Variants in MACF1 observed in about 807,000 individuals in gnomAD.
MACF1 encodes the protein microtubule-actin cross-linking factor 1.
Under a neutral mutation model 854.8 loss-of-function variants are expected in MACF1, and 193 were observed. The ratio of observed to expected loss-of-function variants is 0.23; its 90% CI spans 0.20 to 0.25. The LOEUF is 0.25. Ranked by LOEUF, MACF1 falls within the 10% of genes least tolerant of loss-of-function variation. The pLI, the probability that MACF1 is intolerant of heterozygous loss-of-function variation, is 1.00. For synonymous variants in MACF1, 3,185 were observed against 3,226.7 expected, an observed-to-expected ratio of 0.99 and a Z score of 0.44; for missense variants, 7,722 against 8,929.1, an observed-to-expected ratio of 0.86 and a Z score of 5.45.
intron 89 of MACF1, 99 bp from the exon 90 acceptor site, chr1:39,458,271 C>A: frequency 1.7e-6 from 2 of 1,190,508 alleles, no homozygotes; most frequent in Non-Finnish European, 1.2e-6. Flanking sequence ...CCTTTCCTGC[C>A]ACCACAGGCC....
At chr1:39,438,346 C>T (rs1043666162) in intron 71 of MACF1, among the ~76,000 whole-genome samples, 2 of 152,220 alleles carry the variant, frequency 1.3e-5, no homozygotes, top group African/African-American at 4.8e-5. Context: ...ACACTGGAAA[C>T]AAGAGTTCTC....
chr1:39,264,458 C>T (rs1645206252), intron 6 of MACF1, among the ~76,000 whole-genome samples: 1 of 152,114 alleles, frequency 6.6e-6, no homozygotes, highest in South Asian at 2.1e-4. Context: ...TTGTTCTTTT[C>T]TTTGCCTGGC....
Position 39,334,963 on chromosome 1 carries a change from A to G in MACF1, c.8375A>G (p.Asp2792Gly). The G allele has an allele frequency of 6.2e-7, 1 of 1,614,190 alleles. No individual in the cohort carries two copies. The highest frequency in any genetic ancestry group is 1.3e-5 in the African/African-American group (1 of 75,062). Residue 2792 changes from aspartate to glycine, a missense_variant, in exon 37 of 101, where the codon GAT (aspartate) becomes GGT (glycine). Asp to Gly is a moderately conservative substitution (Grantham distance 94). This residue lies in a region of MACF1 where 1,531 missense variants were observed against 1,601.6 expected (regional missense o/e 0.96). Coordinates refer to ENST00000564288, the MANE Select transcript of MACF1 (RefSeq NM_001394062.1). ...TTACAAAATGAATTTCTAGGAAAGG[A>G]TATGTTAATTGCTTGTAATCAGACT... ...CALQNEFLGK[D>G]MLIACNQTAE...
intron 65 of MACF1, 26 bp downstream of exon 65, chr1:39,430,094 G>GA (rs749699991): frequency 4.0e-5 from 64 of 1,581,130 alleles, no homozygotes; most frequent in Middle Eastern, 1.7e-4. Flanking sequence ...ACCATAAAAA[G>GA]AAAAAAAGGC....
intron 72 of MACF1, 125 bp from the exon 73 acceptor site, chr1:39,440,878 A>C (rs1001424524): frequency 1.4e-5 from 12 of 849,340 alleles, no homozygotes; most frequent in Admixed American, 1.1e-4. Context: ...TTTAGTGTCC[A>C]GATAAGTGAA....
At chr1:39,195,982 G>A (rs536994179) in intron 2 of MACF1, among the ~76,000 whole-genome samples, 2 of 152,296 alleles carry the variant, frequency 1.3e-5, no homozygotes, top group South Asian at 4.1e-4. Flanking sequence ...GTGGTCAGAT[G>A]TAGTTTGTTT....
chr1:39,302,408 G>A (rs1223641499), intron 22 of MACF1, among the ~76,000 whole-genome samples: 1 of 152,156 alleles, frequency 6.6e-6, no homozygotes, highest in African/African-American at 2.4e-5. Flanking sequence ...TTAAAAATGG[G>A]ACTGTGCTTT....
intron 2 of MACF1, among the ~76,000 whole-genome samples, chr1:39,166,560 G>A (rs1006587403): frequency 9.9e-5 from 15 of 151,972 alleles, no homozygotes; most frequent in Non-Finnish European, 1.9e-4. Context: ...GGGTTCAAGC[G>A]ATTCTCCTGC....
At chr1:39,135,639 T>G (rs933654014) in intron 2 of MACF1, among the ~76,000 whole-genome samples, 1 of 152,206 alleles carries the variant, frequency 6.6e-6, no homozygotes, top group Non-Finnish European at 1.5e-5. Flanking sequence ...TGTTTGTGTG[T>G]TGACTTTGTC....
intron 2 of MACF1, chr1:39,103,602 CAT>C (rs1343761341): frequency 6.6e-6 from 1 of 152,650 alleles, no homozygotes; most frequent in African/African-American, 2.4e-5. Context: ...CTGAAAAATG[CAT>C]ATACTTCAAA....
chr1:39,264,147 G>C (rs570985852), intron 6 of MACF1, among the ~76,000 whole-genome samples: 1 of 152,230 alleles, frequency 6.6e-6, no homozygotes, highest in Admixed American at 6.5e-5. Context: ...TATTTGTAAC[G>C]TATTATTTAA....
intron 58 of MACF1, among the ~76,000 whole-genome samples, chr1:39,407,202 A>C (rs1642748690): frequency 6.6e-6 from 1 of 152,200 alleles, no homozygotes; most frequent in Non-Finnish European, 1.5e-5. Flanking sequence ...TAGCTGTGAG[A>C]AGCTCTTTGT....
chr1:39,343,895 C>T (rs904969981), intron 40 of MACF1, among the ~76,000 whole-genome samples: 6 of 152,156 alleles, frequency 3.9e-5, no homozygotes, highest in African/African-American at 1.4e-4. Flanking sequence ...GCGGGCGGAT[C>T]ACCTGAGGTC....
intron 2 of MACF1, among the ~76,000 whole-genome samples, chr1:39,134,115 A>T (rs1643095995): frequency 7.6e-6 from 1 of 132,342 alleles, no homozygotes; most frequent in Non-Finnish European, 1.5e-5. Context: ...ATCTCAGCTC[A>T]CTGCAAGCTC....
intron 6 of MACF1, among the ~76,000 whole-genome samples, chr1:39,272,623 T>A (rs1435826483): frequency 6.6e-6 from 1 of 152,200 alleles, no homozygotes; most frequent in Non-Finnish European, 1.5e-5. Flanking sequence ...CCAGGGCTTG[T>A]TGATGAGAGT....
chr1:39,306,584 G>A (rs1646181288), intron 23 of MACF1, among the ~76,000 whole-genome samples: 1 of 149,554 alleles, frequency 6.7e-6, no homozygotes, highest in Admixed American at 6.7e-5. Context: ...TTTTCTTTTG[G>A]AAACATTTAT....
intron 2 of MACF1, among the ~76,000 whole-genome samples, chr1:39,127,953 T>C (rs1456828727): frequency 1.3e-5 from 2 of 152,210 alleles, no homozygotes; most frequent in African/African-American, 2.4e-5. Context: ...TTCACTGTAA[T>C]ACATTTAAGC....
chr1:39,093,801 T>C (rs1329257218), intron 2 of MACF1, among the ~76,000 whole-genome samples: 2 of 151,130 alleles, frequency 1.3e-5, no homozygotes, highest in African/African-American at 4.9e-5. Context: ...TCTTTTCTTT[T>C]TTTTGAGACG....
Position 39,454,864 on chromosome 1 carries a change from G to C in MACF1, c.20887-45G>C, listed in dbSNP as rs571889905. The stretch of plus-strand genomic sequence containing the variant: ...AAAAAGGGCTTTGGAAACAAAGGGG[G>C]TATGCTTGACTGAAAGAGGCCATGG... On this transcript the variant is annotated intron_variant, in intron 88 of 100. Coordinates refer to ENST00000564288, the MANE Select transcript of MACF1 (RefSeq NM_001394062.1). 4.9e-5 allele frequency: 75 copies of C among 1,526,930 alleles called. 1 individual carries two copies. The South Asian group carries it at 8.2e-4, about 17-fold the overall frequency. 94.6% of individuals were successfully genotyped at this position (1,526,930 alleles called of 1,614,324 possible). A position where few individuals can be genotyped will look rare whatever the true frequency, so the allele number is the denominator to read the frequency against.
Sources: gnomAD v4.1 joint callset for allele counts (sites outside exome capture counted in the v4.1 genomes callset) on GRCh38, gnomAD v4.1.1 for gene constraint, gnomAD v4.1.1 regional missense constraint, MANE v1.5 for transcripts, NCBI Gene and HGNC (gene_info 2026-07-23, HGNC 2026-07-21) for gene names.